PIWIL2: variants seen among roughly 807,000 people sequenced by gnomAD.
PIWIL2 encodes piwi like RNA-mediated gene silencing 2.
Under a neutral mutation model 116.5 loss-of-function variants are expected in PIWIL2, and 81 were observed. The ratio of observed to expected loss-of-function variants is 0.70; its 90% CI spans 0.58 to 0.84. The LOEUF is 0.84. Ranked by LOEUF, PIWIL2 falls within the 40% of genes least tolerant of loss-of-function variation. PIWIL2 has a pLI of 0.00. For missense variants in PIWIL2, 1,272 were observed against 1,212.3 expected (o/e 1.05, Z -0.73); for synonymous variants, 489 against 429.5 (o/e 1.14, Z -1.71).
chr8:22,279,446 G>A lies in PIWIL2; in HGVS notation c.60G>A (p.Gln20=). The change falls in exon 2 of 23, where the codon CAG becomes CAA. Residue 20 remains glutamine (Q), a synonymous_variant. Coordinates refer to ENST00000356766, the MANE Select transcript of PIWIL2 (RefSeq NM_018068.5). ...GQSPIHPSQC[Q]AVRMPGCWPQ... ...CTCCTATCCACCCATCCCAGTGCCAGGCTGTACGGATGCCAGGCTGTTGGC... is the reference window on the plus strand; with the variant it reads ...CTCCTATCCACCCATCCCAGTGCCAAGCTGTACGGATGCCAGGCTGTTGGC... The A allele has an allele frequency of 6.2e-7, 1 of 1,614,168 alleles. No homozygotes were observed. The highest frequency in any genetic ancestry group is 8.5e-7 in the Non-Finnish European group (1 of 1,180,018).
In PIWIL2 at chr8:22,288,571, A is replaced by C. The variant is rs774855565; in HGVS notation, c.891A>C (p.Thr297=). 2 of 1,612,492 alleles carry C rather than the reference A, an allele frequency of 1.2e-6. No individual in the cohort carries two copies. Among genetic ancestry groups the C allele is most frequent in the Non-Finnish European group, 8.5e-7 (1 of 1,178,468 alleles). ...QVLELKSQRK[T]DSAEISIKIQ... ...TTGAGTTAAAAAGTCAAAGGAAAACAGACAGTGCTGAAATCAGCATTAAGA... is the reference window on the plus strand; with the variant it reads ...TTGAGTTAAAAAGTCAAAGGAAAACCGACAGTGCTGAAATCAGCATTAAGA... The change falls in exon 8 of 23, where the codon ACA becomes ACC. Residue 297 remains threonine (T), a synonymous_variant. Coordinates refer to ENST00000356766, the MANE Select transcript of PIWIL2 (RefSeq NM_018068.5).
At chr8:22,323,561 T>C (rs1831657679) in intron 20 of PIWIL2, among the ~76,000 whole-genome samples, 1 of 152,198 alleles carries the variant, frequency 6.6e-6, no homozygotes, top group Non-Finnish European at 1.5e-5. Context: ...TGTTACATCT[T>C]GGAGTGTCTT....
chr8:22,277,069 C>G (rs563031704), intron 1 of PIWIL2, among the ~76,000 whole-genome samples: 284 of 151,568 alleles, frequency 1.9e-3, no homozygotes, highest in African/African-American at 6.6e-3. Flanking sequence ...TGCTGTCACC[C>G]AGGCTGGAGT....
chr8:22,318,321 TTA>T (rs766310689), intron 20 of PIWIL2, 46 bp downstream of exon 20: 16 of 1,150,562 alleles, frequency 1.4e-5, no homozygotes, highest in Non-Finnish European at 1.8e-5. Flanking sequence ...TTTTGTTTTT[TTA>T]TTTTTTTTTT....
rs765663668 is a variant in PIWIL2, at chr8:22,281,378, T to C, written c.288T>C (p.Gly96=). The change falls in exon 4 of 23, where the codon GGT becomes GGC. Residue 96 remains glycine, a splice_region_variant and synonymous_variant. Transcript: ENST00000356766. ...TPLKREMLPS[G]RGILGRGLSA... is the part of the protein sequence containing the mutation. ...CTGGGGTTCGGTTCTTTCTTTCAGG[T>C]AGAGGCATTTTAGGTCGAGGCTTGT... is the stretch of plus-strand genomic sequence containing the variant. 48 of 1,609,154 alleles carry C rather than the reference T, an allele frequency of 3.0e-5. No homozygotes were observed. Among genetic ancestry groups the C allele is most frequent in the Non-Finnish European group, 4.0e-5 (47 of 1,178,998 alleles).
chr8:22,351,683 G>T (rs951988758), intron 20 of PIWIL2, among the ~76,000 whole-genome samples: 2 of 150,050 alleles, frequency 1.3e-5, no homozygotes, highest in Non-Finnish European at 1.5e-5. Context: ...GACTACAGGT[G>T]TGCACCACCA....
chr8:22,332,423 T>G (rs748159504), intron 20 of PIWIL2, among the ~76,000 whole-genome samples: 7 of 152,056 alleles, frequency 4.6e-5, no homozygotes, highest in Non-Finnish European at 7.3e-5. Flanking sequence ...CAGAAACATC[T>G]GAAAAGACGA....
intron 20 of PIWIL2, among the ~76,000 whole-genome samples, chr8:22,319,832 TCTG>T (rs1400844090): frequency 6.6e-6 from 1 of 152,206 alleles, no homozygotes; most frequent in Non-Finnish European, 1.5e-5. Context: ...CAGTATCACT[TCTG>T]CTGCATTCTA....
intron 20 of PIWIL2, among the ~76,000 whole-genome samples, chr8:22,343,912 T>TA (rs1563426093): frequency 1.3e-5 from 2 of 152,212 alleles, no homozygotes; most frequent in South Asian, 2.1e-4. Flanking sequence ...GTTGAAAACT[T>TA]ACGCCCACAC....
intron 10 of PIWIL2, among the ~76,000 whole-genome samples, chr8:22,299,139 A>G (rs1563368380): frequency 6.7e-6 from 1 of 150,140 alleles, no homozygotes; most frequent in Non-Finnish European, 1.5e-5. Flanking sequence ...TTAGATATTA[A>G]TCTTAAATTC....
chr8:22,282,487 C>T lies in PIWIL2; in HGVS notation c.426-547C>T, dbSNP rs190462858. On this transcript the variant is annotated intron_variant, in intron 4 of 22. Transcript: ENST00000356766. ...ATAGGCGTGAGCCCCTGCACGCAGCCGTGGTGATTCTTTAATAACGTTGAG... is the reference window on the plus strand; with the variant it reads ...ATAGGCGTGAGCCCCTGCACGCAGCTGTGGTGATTCTTTAATAACGTTGAG... Among the ~76,000 whole-genome samples the T allele has an allele frequency of 1.6e-3, 242 of 152,090 alleles. 2 individuals are homozygous for T. Among genetic ancestry groups the T allele is most frequent in the African/African-American group, 5.5e-3 (227 of 41,512 alleles).
chr8:22,335,128 A>G (rs991597206), intron 20 of PIWIL2, among the ~76,000 whole-genome samples: 5 of 152,132 alleles, frequency 3.3e-5, no homozygotes, highest in African/African-American at 1.2e-4. Context: ...ATATATAGTA[A>G]AAAAGAGAAT....
At chr8:22,315,421 A>G (rs1304818144) in intron 18 of PIWIL2, among the ~76,000 whole-genome samples, 3 of 152,086 alleles carry the variant, frequency 2.0e-5, no homozygotes, top group African/African-American at 4.8e-5. Context: ...GGTTCAAGCA[A>G]TTCTCCTGCC....
intron 20 of PIWIL2, among the ~76,000 whole-genome samples, chr8:22,322,156 A>G (rs1293397612): frequency 1.3e-5 from 2 of 152,028 alleles, no homozygotes; most frequent in Non-Finnish European, 2.9e-5. Flanking sequence ...TGTTACATAA[A>G]TGTTTCCAAA....
At chr8:22,291,415 T>C (rs1003470584) in intron 10 of PIWIL2, among the ~76,000 whole-genome samples, 2 of 152,116 alleles carry the variant, frequency 1.3e-5, no homozygotes, top group Admixed American at 6.6e-5. Context: ...CCTCCCAAAG[T>C]GCTGGGATTA....
At chr8:22,349,161 A>G (rs567110642) in intron 20 of PIWIL2, among the ~76,000 whole-genome samples, 1 of 146,448 alleles carries the variant, frequency 6.8e-6, no homozygotes, top group African/African-American at 2.5e-5. Flanking sequence ...GCACGCCACC[A>G]GGCCTGGCTT....
chr8:22,347,169 CAA>C lies in PIWIL2; in HGVS notation c.2404-5773_2404-5772del, dbSNP rs757849935. Among the ~76,000 whole-genome samples, 404 of 75,122 alleles carry C rather than the reference CAA, an allele frequency of 5.4e-3. 5 individuals carry two copies. In the East Asian group the frequency reaches 0.07, roughly 13 times the overall value. The allele number at this position is 75,122 out of a possible 152,430, so 49.3% of individuals were successfully genotyped here. ...TGGGCAACAGAGCAAGACGTTGTCT[CAA>C]AAAAAAAAAAAAAAAAGTAGCAAAT... On this transcript the variant is annotated intron_variant, in intron 20 of 22. Transcript: ENST00000356766.
chr8:22,303,751 T>TC (rs910999973), intron 10 of PIWIL2, among the ~76,000 whole-genome samples: 1 of 152,120 alleles, frequency 6.6e-6, no homozygotes, highest in East Asian at 1.9e-4. Flanking sequence ...TCCTTTTTTT[T>TC]CCCCCACCAA....
intron 20 of PIWIL2, among the ~76,000 whole-genome samples, chr8:22,346,113 C>G (rs930309801): frequency 6.6e-6 from 1 of 152,090 alleles, no homozygotes; most frequent in Non-Finnish European, 1.5e-5. Context: ...AATCCCAGAG[C>G]TTTGGGAGGC....
Sources: allele counts gnomAD v4.1 joint callset (sites outside exome capture counted in the v4.1 genomes callset), GRCh38; gene constraint gnomAD v4.1.1; transcripts MANE v1.5; gene names NCBI Gene and HGNC (gene_info 2026-07-23, HGNC 2026-07-21).